The following ARHGAP32 variants were observed in gnomAD, a reference collection of about 807,000 sequenced individuals.
The protein encoded by ARHGAP32 is Rho GTPase activating protein 32.
A neutral mutation model predicts 186.5 loss-of-function variants in ARHGAP32; 51 were observed. That is an observed-to-expected ratio of 0.27 (90% CI 0.22 to 0.35). The LOEUF (loss-of-function observed/expected upper bound fraction) is 0.35, where lower values mean the gene tolerates loss of function less well. Ranked by LOEUF, ARHGAP32 falls within the 10% of genes least tolerant of loss-of-function variation. The probability of loss-of-function intolerance (pLI) is 1.00; values close to 1 mark genes in which losing one functional copy is unlikely to be tolerated. For synonymous variants in ARHGAP32, 950 were observed against 964.3 expected, an observed-to-expected ratio of 0.99 and a Z score of 0.27; for missense variants, 2,186 against 2,623.5, an observed-to-expected ratio of 0.83 and a Z score of 3.64.
chr11:129,151,830 A>C (rs913721977), intron 2 of ARHGAP32, among the ~76,000 whole-genome samples: 25 of 152,162 alleles, frequency 1.6e-4, no homozygotes, highest in Non-Finnish European at 5.9e-5. Context: ...CGAACAAACC[A>C]AACCCAAACT....
chr11:129,040,863 G>T, intron 11 of ARHGAP32, 65 bp downstream of exon 11: 4 of 1,146,008 alleles, frequency 3.5e-6, no homozygotes, highest in South Asian at 1.4e-5. Flanking sequence ...ATACTTGACT[G>T]ACAGAAAATC....
At chr11:129,029,861 C>T (rs1193888850) in intron 11 of ARHGAP32, among the ~76,000 whole-genome samples, 3 of 147,540 alleles carry the variant, frequency 2.0e-5, no homozygotes, top group African/African-American at 7.5e-5. Context: ...AATACATTCC[C>T]TATCCCTAGC....
At chr11:129,014,612 C>T (rs1591533024) in intron 11 of ARHGAP32, among the ~76,000 whole-genome samples, 1 of 152,064 alleles carries the variant, frequency 6.6e-6, no homozygotes, top group East Asian at 1.9e-4. Flanking sequence ...TTCACAACGT[C>T]AAGGAGACAA....
chr11:128,969,487 G>C lies in ARHGAP32; in HGVS notation c.5726C>G (p.Pro1909Arg), dbSNP rs756038716. ...HRQFCESKNG[P>R]PYPQGAGQLD... Reference sequence around the variant, plus strand: ...CTGGCCAGCTCCCTGGGGATAAGGGGGCCCATTCTTTGACTCACAGAACTG... The same window carrying C: ...CTGGCCAGCTCCCTGGGGATAAGGGCGCCCATTCTTTGACTCACAGAACTG... The change falls in exon 23 of 23, where the codon CCC becomes CGC. Residue 1909 changes from proline to arginine, a missense_variant. By Grantham distance (103) the Pro-to-Arg change is moderately radical. Transcript: ENST00000682385. This position sits in a 1 kb window ranked among gnomAD's most constrained non-coding sequence, Gnocchi z 4.8. 1.2e-6 allele frequency: 2 copies of C among 1,614,142 alleles called. No homozygotes were observed. Among genetic ancestry groups the C allele is most frequent in the South Asian group, 2.2e-5 (2 of 91,058 alleles).
chr11:129,093,495 G>T, intron 6 of ARHGAP32, 126 bp downstream of exon 6: 1 of 686,772 alleles, frequency 1.5e-6, no homozygotes, highest in Non-Finnish European at 2.5e-6. Context: ...TCTCATTTCA[G>T]TATTATATAA....
At chr11:129,150,185 A>G (rs1943259439) in intron 2 of ARHGAP32, among the ~76,000 whole-genome samples, 1 of 151,512 alleles carries the variant, frequency 6.6e-6, no homozygotes. Context: ...AAATGGCCAA[A>G]CCTAAGAAAA....
In ARHGAP32 at chr11:129,261,267, T is replaced by A. The variant is rs182308558; in HGVS notation, c.-5+17879A>T. Among the ~76,000 whole-genome samples the A allele has an allele frequency of 2.0e-3, 308 of 152,316 alleles. 2 individuals are homozygous for A. The highest frequency in any genetic ancestry group is 0.01 in the Middle Eastern group (3 of 294). On this transcript the variant is annotated intron_variant, in intron 1 of 6. Transcript: ENST00000525234. Reference sequence around the variant, plus strand: ...GTCTAAAGGAAAAAAGGAAAAGTTATTCCAGATTTTTTCACATAAAATCAA... The same window carrying A: ...GTCTAAAGGAAAAAAGGAAAAGTTAATCCAGATTTTTTCACATAAAATCAA...
intron 2 of ARHGAP32, among the ~76,000 whole-genome samples, chr11:129,157,828 G>A (rs990117534): frequency 3.3e-4 from 50 of 152,286 alleles, no homozygotes; most frequent in African/African-American, 1.2e-3. Context: ...GGCAGCCAGA[G>A]AGAAAGATCA....
intron 10 of ARHGAP32, among the ~76,000 whole-genome samples, chr11:129,056,594 G>A (rs1264805494): frequency 6.6e-6 from 1 of 152,118 alleles, no homozygotes; most frequent in African/African-American, 2.4e-5. Context: ...TATAGCATGA[G>A]TTCACAGCAA....
chr11:129,098,914 T>C (rs936146782), intron 5 of ARHGAP32, among the ~76,000 whole-genome samples: 2 of 152,244 alleles, frequency 1.3e-5, no homozygotes, highest in African/African-American at 4.8e-5. Context: ...ATGTTATAAC[T>C]TTAGAATGTT....
At chr11:129,213,162 C>G (rs553601311) in intron 1 of ARHGAP32, among the ~76,000 whole-genome samples, 6 of 152,084 alleles carry the variant, frequency 3.9e-5, no homozygotes, top group Non-Finnish European at 8.8e-5. Context: ...CTTCGTAGTT[C>G]CGCTATCTGA....
chr11:128,970,987 A>G lies in ARHGAP32; in HGVS notation c.4226T>C (p.Leu1409Pro). ...KVRDGARVPL[L>P]HLRAESVPAH... The stretch of plus-strand genomic sequence containing the variant: ...AGGGACAGACTCGGCGCGCAGGTGC[A>G]GCAGCGGGACCCGGGCACCGTCCCG... The change falls in exon 23 of 23, where the codon CTG becomes CCG. Residue 1409 changes from leucine (L) to proline (P), a missense_variant. Physicochemically the swap from Leu to Pro is moderately conservative, Grantham distance 98. Coordinates refer to ENST00000682385, the MANE Select transcript of ARHGAP32 (RefSeq NM_001378024.1). This position sits in a 1 kb window ranked among gnomAD's most constrained non-coding sequence, Gnocchi z 5.8. The G allele has an allele frequency of 6.2e-7, 1 of 1,613,818 alleles. No individual in the cohort carries two copies. Among genetic ancestry groups the G allele is most frequent in the South Asian group, 1.1e-5 (1 of 91,074 alleles).
chr11:129,267,189 GTCTC>G (rs1489637723), intron 1 of ARHGAP32, among the ~76,000 whole-genome samples: 1 of 152,000 alleles, frequency 6.6e-6, no homozygotes, highest in Non-Finnish European at 1.5e-5. Context: ...GTGAAACCCC[GTCTC>G]TCTAACAAAA....
intron 11 of ARHGAP32, among the ~76,000 whole-genome samples, chr11:129,003,908 TCTA>T (rs1439317162): frequency 6.6e-6 from 1 of 152,138 alleles, no homozygotes; most frequent in African/African-American, 2.4e-5. Flanking sequence ...TGCTTTTTCT[TCTA>T]CTAATTTGGG....
At chr11:129,000,760 C>T (rs1194952402) in intron 11 of ARHGAP32, among the ~76,000 whole-genome samples, 1 of 151,104 alleles carries the variant, frequency 6.6e-6, no homozygotes, top group Admixed American at 6.6e-5. Flanking sequence ...CTATTCCCCA[C>T]CCCCCCACCA....
At chr11:129,045,986 T>A (rs755105335) in intron 10 of ARHGAP32, among the ~76,000 whole-genome samples, 17 of 152,192 alleles carry the variant, frequency 1.1e-4, no homozygotes, top group Non-Finnish European at 2.1e-4. Flanking sequence ...TTCACTCAAG[T>A]CTTTGAAATA....
chr11:128,974,413 G>A lies in ARHGAP32; in HGVS notation c.2784C>T (p.Thr928=), dbSNP rs1442424981. 1 of 1,613,976 alleles carries A rather than the reference G, an allele frequency of 6.2e-7. No homozygotes were observed. The highest frequency in any genetic ancestry group is 1.3e-5 in the African/African-American group (1 of 74,916). Residue 928 remains threonine (T), a synonymous_variant, in exon 21 of 23, where the codon ACC becomes ACT. Transcript: ENST00000682385. ...SMSISEPISV[T]LPPRVSEVIG... ...TGACTTCTGACACCCGTGGTGGTAG[G>A]GTCACTGAAATTGGCTCAGATATGC...
intron 1 of ARHGAP32, among the ~76,000 whole-genome samples, chr11:129,218,454 AC>A (rs1226833953): frequency 1.3e-5 from 2 of 150,148 alleles, no homozygotes; most frequent in African/African-American, 4.9e-5. Context: ...CTAATCTCAC[AC>A]ACACACACAC....
intron 2 of ARHGAP32, among the ~76,000 whole-genome samples, chr11:129,160,083 G>T (rs1943497758): frequency 6.6e-6 from 1 of 152,044 alleles, no homozygotes; most frequent in African/African-American, 2.4e-5. Flanking sequence ...AATAAACTAG[G>T]TATTCATGGA....
Sources: gnomAD v4.1 joint callset for allele counts (sites outside exome capture counted in the v4.1 genomes callset) on GRCh38, gnomAD v4.1.1 for gene constraint, Gnocchi (gnomAD v3.1) non-coding constraint, MANE v1.5 for transcripts, NCBI Gene and HGNC (gene_info 2026-07-23, HGNC 2026-07-21) for gene names.